MICAL3: variants seen among roughly 807,000 people sequenced by gnomAD.
MICAL3 encodes the protein [F-actin]-monooxygenase MICAL3.
A neutral mutation model predicts 207.4 loss-of-function variants in MICAL3; 62 were observed. That is an observed-to-expected ratio of 0.30 (90% CI 0.24 to 0.37). The LOEUF is 0.37. Among genes scored for constraint, MICAL3 ranks in the 10% least tolerant of loss-of-function variants. The pLI, the probability that MICAL3 is intolerant of heterozygous loss-of-function variation, is 1.00. For missense variants in MICAL3, 2,368 were observed against 2,635.6 expected (o/e 0.90, Z 2.22); for synonymous variants, 1,077 against 1,069.3 (o/e 1.01, Z -0.14).
At chr22:17,921,044 T>C (rs1932789543) in intron 1 of MICAL3, among the ~76,000 whole-genome samples, 1 of 152,162 alleles carries the variant, frequency 6.6e-6, no homozygotes, top group Admixed American at 6.5e-5. Flanking sequence ...AAATTCCTTG[T>C]GGGCCCCAAG....
At chr22:17,987,269 A>C (rs928550839) in intron 1 of MICAL3, among the ~76,000 whole-genome samples, 1 of 152,156 alleles carries the variant, frequency 6.6e-6, no homozygotes, top group Non-Finnish European at 1.5e-5. Flanking sequence ...AAGAATAATC[A>C]TTTTCCACAG....
chr22:17,945,496 C>T (rs1287488436), intron 1 of MICAL3, among the ~76,000 whole-genome samples: 1 of 152,178 alleles, frequency 6.6e-6, no homozygotes, highest in Non-Finnish European at 1.5e-5. Flanking sequence ...ACAAAGGCAC[C>T]AGCCAGGAAG....
rs1921089366 is a variant in MICAL3 at position 17,817,217 on chromosome 22, A to G, written c.5350+94T>C. The G allele has an allele frequency of 4.0e-5, 56 of 1,406,574 alleles. No homozygotes were observed. In the South Asian group the frequency reaches 7.5e-4, roughly 19 times the overall value. 87.1% of individuals were successfully genotyped at this position (1,406,574 alleles called of 1,614,324 possible). A position where few individuals can be genotyped will look rare whatever the true frequency, so the allele number is the denominator to read the frequency against. On this transcript the variant is annotated intron_variant, in intron 26 of 31. Coordinates refer to ENST00000441493, the MANE Select transcript of MICAL3 (RefSeq NM_015241.3). Reference sequence around the variant, plus strand: ...CGGCTCCTGAGAACCCTCGGCGGGGAGCGTGTGAGTGTGGATCCTGAGAGC... The same window carrying G: ...CGGCTCCTGAGAACCCTCGGCGGGGGGCGTGTGAGTGTGGATCCTGAGAGC...
At chr22:17,991,947 G>A (rs1007744641) in intron 1 of MICAL3, among the ~76,000 whole-genome samples, 6 of 152,166 alleles carry the variant, frequency 3.9e-5, no homozygotes, top group Non-Finnish European at 7.3e-5. Flanking sequence ...GTGGTCCTAG[G>A]GTTAGAAAGG....
rs534608472 is a variant in MICAL3 at position 17,954,786 on chromosome 22, G to A, written c.-74-47900C>T. ...TTTTGAGACGGAATCTCGCTCTGTCGCCCAGGCTGGAGTGTAGTGGTGCGA... is the reference window on the plus strand; with the variant it reads ...TTTTGAGACGGAATCTCGCTCTGTCACCCAGGCTGGAGTGTAGTGGTGCGA... On this transcript the variant is annotated intron_variant, in intron 1 of 31. Coordinates refer to ENST00000441493, the MANE Select transcript of MICAL3 (RefSeq NM_015241.3). 3.1e-4 allele frequency among the ~76,000 whole-genome samples: 46 copies of A among 149,674 alleles called. No homozygotes were observed. The South Asian group carries it at 9.5e-3, about 31-fold the overall frequency.
At chr22:17,905,702 CTAGCT>C (rs1481925248) in intron 2 of MICAL3, among the ~76,000 whole-genome samples, 3 of 152,188 alleles carry the variant, frequency 2.0e-5, no homozygotes, top group Non-Finnish European at 2.9e-5. Flanking sequence ...TGTGTCCCTG[CTAGCT>C]TGTTCCAAAC....
At chr22:17,910,097 A>G (rs758860739) in intron 1 of MICAL3, among the ~76,000 whole-genome samples, 1 of 152,238 alleles carries the variant, frequency 6.6e-6, no homozygotes, top group Non-Finnish European at 1.5e-5. Context: ...TCTAAACAGT[A>G]GCCACTTTCA....
In MICAL3 at chr22:17,864,399, C is replaced by CT. The variant is rs895764776; in HGVS notation, c.2605+499dup. On this transcript the variant is annotated intron_variant, in intron 19 of 31. Transcript: ENST00000441493. ...AGTGACAGGGAACAGGACGCAGAAT[C>CT]TTAAGTGAAGGTGAACCCAAAACAA... 251 of 1,362,252 alleles carry CT rather than the reference C, an allele frequency of 1.8e-4. 1 individual carries two copies. The highest frequency in any genetic ancestry group is 2.8e-4 in the Middle Eastern group (1 of 3,612). 84.4% of individuals were successfully genotyped at this position (1,362,252 alleles called of 1,614,324 possible).
intron 19 of MICAL3, among the ~76,000 whole-genome samples, chr22:17,843,330 G>A (rs192893919): frequency 7.2e-5 from 11 of 152,096 alleles, no homozygotes; most frequent in Admixed American, 2.0e-4. Flanking sequence ...CTCTGTTGAC[G>A]TCCCTTGTCC....
At chr22:17,880,944 T>C (rs910946091) in intron 16 of MICAL3, among the ~76,000 whole-genome samples, 2 of 152,158 alleles carry the variant, frequency 1.3e-5, no homozygotes, top group Non-Finnish European at 2.9e-5. Flanking sequence ...AAACATCAAT[T>C]ACAGTTGAAC....
chr22:18,007,204 T>A (rs1270326860), intron 1 of MICAL3: 2 of 152,164 alleles, frequency 1.3e-5, no homozygotes, highest in Non-Finnish European at 1.5e-5. Flanking sequence ...AAGAATTTTT[T>A]AAATAAAGTA....
At chr22:17,895,238 G>A (rs775942175) in intron 10 of MICAL3, 46 bp downstream of exon 10, 1 of 1,602,916 alleles carries the variant, frequency 6.2e-7, no homozygotes. Flanking sequence ...ATTCTCATTG[G>A]TCCTGCAGAT....
chr22:17,903,823 T>C (rs1931515038), intron 3 of MICAL3, among the ~76,000 whole-genome samples: 1 of 152,238 alleles, frequency 6.6e-6, no homozygotes, highest in Admixed American at 6.5e-5. Context: ...CATGACTGAC[T>C]GTGTTTACAG....
At chr22:17,974,876 C>T (rs1935570353) in intron 1 of MICAL3, among the ~76,000 whole-genome samples, 1 of 152,196 alleles carries the variant, frequency 6.6e-6, no homozygotes, top group African/African-American at 2.4e-5. Context: ...TCAGTCCTCA[C>T]AATAACCTCA....
intron 1 of MICAL3, among the ~76,000 whole-genome samples, chr22:17,977,602 T>C (rs961598367): frequency 6.6e-6 from 1 of 151,632 alleles, no homozygotes; most frequent in Non-Finnish European, 1.5e-5. Context: ...AACCCTCCTA[T>C]GTTGCTGGTG....
At chr22:17,831,713 C>T in intron 21 of MICAL3, 141 bp downstream of exon 21, 1 of 1,376,356 alleles carries the variant, frequency 7.3e-7, no homozygotes, top group East Asian at 2.5e-5. Flanking sequence ...CCCCCCATGT[C>T]TTATGTCAGG....
intron 6 of MICAL3, 35 bp from the exon 7 acceptor site, chr22:17,899,583 T>G: frequency 7.1e-7 from 1 of 1,401,464 alleles, no homozygotes; most frequent in Non-Finnish European, 1.0e-6. Flanking sequence ...CATGTAAGTT[T>G]GCTGAGATGA....
At chr22:17,952,163 C>G (rs1934381530) in intron 1 of MICAL3, among the ~76,000 whole-genome samples, 1 of 152,200 alleles carries the variant, frequency 6.6e-6, no homozygotes, top group Non-Finnish European at 1.5e-5. Context: ...ATTTGGTTTC[C>G]TTTTCTGTAC....
intron 19 of MICAL3, chr22:17,860,225 C>A: frequency 8.1e-6 from 8 of 983,314 alleles, no homozygotes; most frequent in Non-Finnish European, 9.7e-6. Flanking sequence ...ATTAAAAGCA[C>A]GACAACTTGG....
Sources: gnomAD v4.1 joint callset for allele counts (sites outside exome capture counted in the v4.1 genomes callset) on GRCh38, gnomAD v4.1.1 for gene constraint, MANE v1.5 for transcripts, NCBI Gene and HGNC (gene_info 2026-07-23, HGNC 2026-07-21) for gene names.